Variants in ASCC3 observed in about 807,000 individuals in gnomAD.
ASCC3 encodes the protein activating signal cointegrator 1 complex subunit 3, also known as ASC-1 complex subunit P200.
Under a neutral mutation model 256.3 loss-of-function variants are expected in ASCC3, and 158 were observed. That is an observed-to-expected ratio of 0.62 (90% CI 0.54 to 0.70). The LOEUF is 0.70. Among genes scored for constraint, ASCC3 ranks in the 30% least tolerant of loss-of-function variants. The pLI, the probability that ASCC3 is intolerant of heterozygous loss-of-function variation, is 0.00. For synonymous variants in ASCC3, 948 were observed against 883.4 expected (o/e 1.07, Z -1.30); for missense variants, 2,259 against 2,626.0 (o/e 0.86, Z 3.05).
At chr6:100,601,769 C>T (rs563288187) in intron 34 of ASCC3, 41 bp downstream of exon 34, 42 of 1,604,362 alleles carry the variant, frequency 2.6e-5, no homozygotes, top group Middle Eastern at 1.7e-4. Context: ...TGTCTTATTT[C>T]GGGGCAAAAC....
intron 10 of ASCC3, among the ~76,000 whole-genome samples, chr6:100,747,403 T>G (rs1417390711): frequency 3.3e-5 from 5 of 152,060 alleles, no homozygotes; most frequent in African/African-American, 7.2e-5. Flanking sequence ...TATCCCAAAA[T>G]GAATGCATGC....
At chr6:100,730,154 T>A (rs543862084) in intron 10 of ASCC3, among the ~76,000 whole-genome samples, 3 of 150,868 alleles carry the variant, frequency 2.0e-5, no homozygotes, top group African/African-American at 4.9e-5. Flanking sequence ...AAAAAAAAAA[T>A]TAACTGGATG....
chr6:100,809,342 A>G (rs1467074885), intron 4 of ASCC3, among the ~76,000 whole-genome samples: 6 of 152,022 alleles, frequency 3.9e-5, no homozygotes, highest in Admixed American at 3.9e-4. Context: ...ACCTTATTCT[A>G]TAAGCTTTTT....
At chr6:100,601,203 T>C (rs528627720) in intron 34 of ASCC3, among the ~76,000 whole-genome samples, 3 of 152,234 alleles carry the variant, frequency 2.0e-5, no homozygotes, top group East Asian at 1.9e-4. Flanking sequence ...AATATCGTTC[T>C]ACTAGAGGAT....
chr6:100,847,986 G>C, intron 4 of ASCC3, 162 bp downstream of exon 4: 1 of 616,242 alleles, frequency 1.6e-6, no homozygotes, highest in Non-Finnish European at 2.6e-6. Flanking sequence ...CTATCCATTA[G>C]GAACGTATAT....
At chr6:100,870,102 A>G (rs151203748) in intron 1 of ASCC3, among the ~76,000 whole-genome samples, 1 of 152,320 alleles carries the variant, frequency 6.6e-6, no homozygotes, top group African/African-American at 2.4e-5. Context: ...TCCCTCCAAA[A>G]TAAAAAATCA....
chr6:100,625,718 G>A (rs1214169816), intron 29 of ASCC3, among the ~76,000 whole-genome samples: 1 of 152,116 alleles, frequency 6.6e-6, no homozygotes, highest in Non-Finnish European at 1.5e-5. Flanking sequence ...TGCCTAAGCA[G>A]TGATATTACA....
chr6:100,606,139 C>A (rs983220173), intron 32 of ASCC3, among the ~76,000 whole-genome samples: 2 of 151,892 alleles, frequency 1.3e-5, no homozygotes, highest in East Asian at 3.9e-4. Context: ...CCCTGCACCC[C>A]GGTATAAAAT....
At chr6:100,554,257 T>C (rs961075087) in intron 36 of ASCC3, among the ~76,000 whole-genome samples, 4 of 152,178 alleles carry the variant, frequency 2.6e-5, no homozygotes, top group Non-Finnish European at 5.9e-5. Context: ...TTTTTAAACA[T>C]ACATATATAT....
intron 8 of ASCC3, among the ~76,000 whole-genome samples, chr6:100,770,963 A>T (rs912370473): frequency 1.3e-5 from 2 of 152,050 alleles, no homozygotes; most frequent in Non-Finnish European, 2.9e-5. Context: ...AACACACATG[A>T]CCTAGAAGGA....
intron 26 of ASCC3, among the ~76,000 whole-genome samples, chr6:100,630,649 A>G (rs1184737408): frequency 6.6e-6 from 1 of 152,048 alleles, no homozygotes. Context: ...GCTATTTAAA[A>G]TAATACTGCA....
chr6:100,702,180 G>T (rs1242490293), intron 13 of ASCC3, among the ~76,000 whole-genome samples: 2 of 152,128 alleles, frequency 1.3e-5, no homozygotes, highest in East Asian at 1.9e-4. Flanking sequence ...AGACATGATG[G>T]TTGCTTGGCT....
chr6:100,531,079 A>T (rs1272274631), intron 37 of ASCC3: 3 of 1,332,906 alleles, frequency 2.3e-6, no homozygotes, highest in Non-Finnish European at 3.2e-6. Context: ...TAGAACGTAC[A>T]TAGTCTGTAC....
chr6:100,579,109 G>A (rs1315794583), intron 36 of ASCC3, among the ~76,000 whole-genome samples: 1 of 150,558 alleles, frequency 6.6e-6, no homozygotes, highest in Non-Finnish European at 1.5e-5. Flanking sequence ...TCCTATGCTT[G>A]TTGGTCACAC....
At chr6:100,813,473 C>A (rs9498393) in intron 4 of ASCC3, among the ~76,000 whole-genome samples, 9,396 of 149,078 alleles carry the variant, frequency 0.063, 656 homozygotes, top group East Asian at 0.29. Context: ...ACAACAACAA[C>A]AAAAAAAAAA....
chr6:100,856,649 C>T (rs888980973), intron 3 of ASCC3: 1 of 156,282 alleles, frequency 6.4e-6, no homozygotes, highest in South Asian at 2.1e-4. Context: ...CCTCCTTCCT[C>T]AAAAGCAGCC....
At chr6:100,692,232 A>G (rs1214071270) in intron 13 of ASCC3, among the ~76,000 whole-genome samples, 4 of 152,064 alleles carry the variant, frequency 2.6e-5, no homozygotes, top group African/African-American at 9.7e-5. Flanking sequence ...TGAACTAAAC[A>G]TCACCAGTTC....
intron 40 of ASCC3, 54 bp downstream of exon 40, chr6:100,512,655 G>T: frequency 1.3e-6 from 2 of 1,525,828 alleles, no homozygotes; most frequent in South Asian, 1.1e-5. Flanking sequence ...ATGTGTGGTG[G>T]TGCATGCTGG....
intron 5 of ASCC3, 58 bp from the exon 6 acceptor site, chr6:100,800,562 C>A: frequency 7.6e-7 from 1 of 1,322,048 alleles, no homozygotes; most frequent in Non-Finnish European, 1.1e-6. Flanking sequence ...ATTTAACCTT[C>A]ATGAAAACCA....
Sources: gnomAD v4.1 joint callset for allele counts (sites outside exome capture counted in the v4.1 genomes callset) on GRCh38, gnomAD v4.1.1 for gene constraint, MANE v1.5 for transcripts, NCBI Gene and HGNC (gene_info 2026-07-23, HGNC 2026-07-21) for gene names.